The following XYLT1 variants were observed in gnomAD, a reference collection of about 807,000 sequenced individuals.
The protein encoded by XYLT1 is xylosyltransferase 1, also known as beta-D-xylosyltransferase 1.
XYLT1 carries 36 observed loss-of-function variants against 91.3 expected under a neutral mutation model. The observed-to-expected ratio is 0.39, with a 90% CI of 0.30 to 0.52. The LOEUF is 0.52. Ranked by LOEUF, XYLT1 falls within the 20% of genes least tolerant of loss-of-function variation. The pLI, the probability that XYLT1 is intolerant of heterozygous loss-of-function variation, is 0.68. For synonymous variants in XYLT1, 588 were observed against 532.0 expected, an observed-to-expected ratio of 1.11 and a Z score of -1.45; for missense variants, 1,242 against 1,284.5, an observed-to-expected ratio of 0.97 and a Z score of 0.51.
chr16:17,270,210 T>C (rs1008576400), intron 2 of XYLT1, among the ~76,000 whole-genome samples: 1 of 152,242 alleles, frequency 6.6e-6, no homozygotes, highest in Non-Finnish European at 1.5e-5. Flanking sequence ...GCATTACTGA[T>C]TAAATGTGCC....
At position 17,104,740 on chromosome 16, in the gene XYLT1, C is replaced by T. The variant is rs1185798410; in HGVS notation, c.*3955G>A. 4 of 152,160 alleles carry T rather than the reference C, an allele frequency of 2.6e-5. No homozygotes were observed. Among genetic ancestry groups the T allele is most frequent in the Non-Finnish European group, 5.9e-5 (4 of 68,034 alleles). The allele number at this position is 152,160 out of a possible 1,614,324, so 9.4% of individuals were successfully genotyped here. On this transcript the variant is annotated 3_prime_UTR_variant, in exon 12 of 12. Coordinates refer to ENST00000261381, the MANE Select transcript of XYLT1 (RefSeq NM_022166.4). ...GGCTTCCCTTCCAAATTGGAAGATT[C>T]CACTACACTGTGCTTACATTTTTAC... is the stretch of plus-strand genomic sequence containing the variant.
intron 10 of XYLT1, among the ~76,000 whole-genome samples, chr16:17,119,804 G>A (rs2029983395): frequency 6.6e-6 from 1 of 152,186 alleles, no homozygotes; most frequent in South Asian, 2.1e-4. Context: ...AGCCCCAGAG[G>A]CTGCATTCTC....
chr16:17,140,534 G>A (rs1014721541), intron 7 of XYLT1, among the ~76,000 whole-genome samples: 2 of 151,818 alleles, frequency 1.3e-5, no homozygotes, highest in South Asian at 2.1e-4. Context: ...GGTGGTGGGC[G>A]CCTATAATCC....
intron 2 of XYLT1, among the ~76,000 whole-genome samples, chr16:17,279,437 C>A (rs1290280432): frequency 6.6e-6 from 1 of 152,146 alleles, no homozygotes; most frequent in South Asian, 2.1e-4. Context: ...TCCTTAAGGC[C>A]ACACAGATCA....
intron 2 of XYLT1, among the ~76,000 whole-genome samples, chr16:17,295,129 A>G (rs2034290168): frequency 6.6e-6 from 1 of 152,156 alleles, no homozygotes; most frequent in Admixed American, 6.5e-5. Context: ...CCAGTGGGTA[A>G]GTGAGCATGC....
intron 2 of XYLT1, among the ~76,000 whole-genome samples, chr16:17,357,416 A>G (rs116777515): frequency 0.011 from 1,658 of 152,048 alleles, 38 homozygotes; most frequent in African/African-American, 0.038. Flanking sequence ...CAAGGCCTAT[A>G]CTCATAGCTG....
intron 3 of XYLT1, among the ~76,000 whole-genome samples, chr16:17,211,424 CT>C (rs2032754655): frequency 6.6e-6 from 1 of 152,122 alleles, no homozygotes; most frequent in African/African-American, 2.4e-5. Flanking sequence ...CTGGGGTGGG[CT>C]TTTGGGACAG....
chr16:17,466,376 G>C (rs2113310), intron 1 of XYLT1, among the ~76,000 whole-genome samples: 65,885 of 151,986 alleles, frequency 0.43, 14,771 homozygotes, highest in South Asian at 0.54. Flanking sequence ...CTGGAGCGGG[G>C]TGTGGGGGGC....
intron 1 of XYLT1, among the ~76,000 whole-genome samples, chr16:17,431,686 G>A (rs975958475): frequency 7.9e-5 from 12 of 152,198 alleles, no homozygotes; most frequent in African/African-American, 2.7e-4. Flanking sequence ...CAGTTAACAC[G>A]GACATATAGC....
At chr16:17,138,163 G>GGTTA (rs2030822075) in intron 8 of XYLT1, 192 bp downstream of exon 8, 2 of 589,480 alleles carry the variant, frequency 3.4e-6, no homozygotes, top group Non-Finnish European at 5.8e-6. Context: ...GAGTCAATGT[G>GGTTA]GTTAGAACAT....
chr16:17,382,141 T>C (rs1483255949), intron 1 of XYLT1, among the ~76,000 whole-genome samples: 2 of 151,808 alleles, frequency 1.3e-5, no homozygotes, highest in Non-Finnish European at 2.9e-5. Context: ...AGATTCACAG[T>C]GAGAGAAGCC....
At chr16:17,423,251 G>T (rs1287352442) in intron 1 of XYLT1, among the ~76,000 whole-genome samples, 2 of 152,060 alleles carry the variant, frequency 1.3e-5, no homozygotes, top group African/African-American at 4.8e-5. Context: ...TTCTCGGCAG[G>T]CCTCCCCAGC....
At chr16:17,437,420 A>C (rs1327362401) in intron 1 of XYLT1, among the ~76,000 whole-genome samples, 1 of 152,204 alleles carries the variant, frequency 6.6e-6, no homozygotes, top group Non-Finnish European at 1.5e-5. Flanking sequence ...ACAGAAGCCA[A>C]GAAGGCATTT....
At chr16:17,381,835 A>G (rs2035684983) in intron 1 of XYLT1, among the ~76,000 whole-genome samples, 1 of 152,202 alleles carries the variant, frequency 6.6e-6, no homozygotes, top group African/African-American at 2.4e-5. Flanking sequence ...AACATTACAG[A>G]AGGAGAAATT....
chr16:17,430,133 C>T (rs2036372720), intron 1 of XYLT1, among the ~76,000 whole-genome samples: 1 of 151,834 alleles, frequency 6.6e-6, no homozygotes, highest in South Asian at 2.1e-4. Flanking sequence ...GACTGGGTTT[C>T]ACCATGTTGG....
intron 1 of XYLT1, among the ~76,000 whole-genome samples, chr16:17,430,238 C>G (rs968634326): frequency 6.6e-5 from 10 of 152,220 alleles, no homozygotes; most frequent in Non-Finnish European, 2.9e-5. Context: ...CATCCCTAAC[C>G]CAATCATCTG....
intron 1 of XYLT1, among the ~76,000 whole-genome samples, chr16:17,430,883 CTG>C (rs1434170946): frequency 6.6e-6 from 1 of 152,096 alleles, no homozygotes; most frequent in East Asian, 1.9e-4. Flanking sequence ...CTAAAGTAAA[CTG>C]GGGCTGAACA....
chr16:17,447,361 G>A (rs1405744547), intron 1 of XYLT1, among the ~76,000 whole-genome samples: 2 of 152,202 alleles, frequency 1.3e-5, no homozygotes, highest in African/African-American at 4.8e-5. Flanking sequence ...CAGAATGTCT[G>A]ACCTTAGTTT....
At position 17,200,583 on chromosome 16, in the gene XYLT1, C is replaced by T. The variant is rs759080497; in HGVS notation, c.985G>A (p.Ala329Thr). ...EYMPANPVRI[A>T]FVLVVHGRAS... ...CGGCCGTGGACCACCAGGACAAAGG[C>T]GATTCTGACCGGGTTGGCTGGCATG... Residue 329 changes from alanine to threonine, a missense_variant, in exon 4 of 12, where the codon GCC becomes ACC. Coordinates refer to ENST00000261381, the MANE Select transcript of XYLT1 (RefSeq NM_022166.4). 8.1e-6 allele frequency: 13 copies of T among 1,614,050 alleles called. No individual in the cohort carries two copies. The highest frequency in any genetic ancestry group is 6.7e-5 in the East Asian group (3 of 44,894).
Sources: allele counts gnomAD v4.1 joint callset (sites outside exome capture counted in the v4.1 genomes callset), GRCh38; gene constraint gnomAD v4.1.1; transcripts MANE v1.5; gene names NCBI Gene and HGNC (gene_info 2026-07-23, HGNC 2026-07-21).